TNS1: variants seen among roughly 807,000 people sequenced by gnomAD.
TNS1 encodes the protein tensin 1.
A neutral mutation model predicts 168.6 loss-of-function variants in TNS1; 62 were observed. The observed-to-expected ratio is 0.37, with a 90% CI of 0.30 to 0.45. The LOEUF (loss-of-function observed/expected upper bound fraction) is 0.45, where lower values mean the gene tolerates loss of function less well. Ranked by LOEUF, TNS1 falls within the 20% of genes least tolerant of loss-of-function variation. The pLI, the probability that TNS1 is intolerant of heterozygous loss-of-function variation, is 1.00. For synonymous variants in TNS1, 934 were observed against 933.2 expected (o/e 1.00, Z -0.02); for missense variants, 2,240 against 2,339.4 (o/e 0.96, Z 0.88).
Position 217,848,114 on chromosome 2 carries a change from T to G in TNS1, c.2403A>C (p.Val801=). 6.3e-7 allele frequency: 1 copy of G among 1,582,398 alleles called. No individual in the cohort carries two copies. Among genetic ancestry groups the G allele is most frequent in the Non-Finnish European group, 8.6e-7 (1 of 1,165,084 alleles). Residue 801 remains valine (V), a synonymous_variant, in exon 19 of 33, where the codon GTA becomes GTC. Transcript: ENST00000682258. The stretch of plus-strand genomic sequence containing the variant: ...ATGGCTGAGGGCTGGGCCTGCTGGC[T>G]ACAAGACTCTCCAAGTGGGCTCTTT... The part of the protein sequence containing the change: ...QQERAHLESL[V]ASRPSPQPLA...
intron 3 of TNS1, among the ~76,000 whole-genome samples, chr2:217,944,326 C>T (rs1056446109): frequency 6.6e-6 from 1 of 152,070 alleles, no homozygotes; most frequent in African/African-American, 2.4e-5. Context: ...AGCAGCTTCC[C>T]TGGGGACAGG....
At chr2:218,027,084 C>T (rs564960440) in intron 1 of TNS1, among the ~76,000 whole-genome samples, 92 of 152,058 alleles carry the variant, frequency 6.1e-4, no homozygotes, top group Non-Finnish European at 1.2e-3. Context: ...ACGGCAAACA[C>T]AATACCTGTA....
At chr2:217,960,450 G>A (rs1466147029) in intron 3 of TNS1, among the ~76,000 whole-genome samples, 1 of 152,148 alleles carries the variant, frequency 6.6e-6, no homozygotes, top group Non-Finnish European at 1.5e-5. Context: ...ACATGGCCAG[G>A]TCTAGGAGGC....
Position 218,020,234 on chromosome 2 carries a change from AGTGG to A in TNS1, c.156+13582_156+13585del, listed in dbSNP as rs543210970. Among the ~76,000 whole-genome samples, 4 of 152,230 alleles carry A rather than the reference AGTGG, an allele frequency of 2.6e-5. No individual in the cohort carries two copies. The South Asian group carries it at 8.3e-4, about 32-fold the overall frequency. On this transcript the variant is annotated intron_variant, in intron 1 of 1. Transcript: ENST00000649572. ...GGGGGTGCTAAAATATTTCTGTGCC[AGTGG>A]GTGAACAGCCACAGCACCCCACAGG...
intron 18 of TNS1, among the ~76,000 whole-genome samples, chr2:217,877,559 C>T (rs954945016): frequency 1.3e-5 from 2 of 152,194 alleles, no homozygotes; most frequent in Non-Finnish European, 2.9e-5. Flanking sequence ...TTATGACTAG[C>T]CCAGCCACCT....
chr2:217,992,090 C>A (rs1047738439), intron 1 of TNS1, among the ~76,000 whole-genome samples: 1 of 152,102 alleles, frequency 6.6e-6, no homozygotes, highest in Non-Finnish European at 1.5e-5. Flanking sequence ...CAAAGCCCTG[C>A]ACAGACACTG....
chr2:217,963,460 C>T lies in TNS1; in HGVS notation c.186+15305G>A, dbSNP rs550655612. On this transcript the variant is annotated intron_variant, in intron 3 of 32. Coordinates refer to ENST00000682258, the MANE Select transcript of TNS1 (RefSeq NM_001387777.1). ...AGCTCATCTAATCCTCACCACAAGA[C>T]TGCAGGCAGGACTCATGACCCCAGC... Among the ~76,000 whole-genome samples the T allele has an allele frequency of 7.9e-4, 121 of 152,288 alleles. 1 individual carries two copies. The highest frequency in any genetic ancestry group is 2.7e-3 in the African/African-American group (114 of 41,546).
intron 3 of TNS1, among the ~76,000 whole-genome samples, chr2:217,973,664 G>A (rs1269673258): frequency 1.3e-5 from 2 of 152,216 alleles, no homozygotes; most frequent in East Asian, 1.9e-4. Flanking sequence ...GAATCACATC[G>A]AAGGCCCCTA....
At chr2:217,807,987 A>G in intron 32 of TNS1, 88 bp downstream of exon 32, 1 of 1,505,518 alleles carries the variant, frequency 6.6e-7, no homozygotes, top group Non-Finnish European at 9.2e-7. Flanking sequence ...CCCTACCCCC[A>G]GCCCTGGTTT....
intron 18 of TNS1, among the ~76,000 whole-genome samples, chr2:217,869,265 C>T (rs779560215): frequency 6.6e-6 from 1 of 152,168 alleles, no homozygotes; most frequent in Non-Finnish European, 1.5e-5. Context: ...CTCTCCGAGG[C>T]TGATGGAGAG....
intron 18 of TNS1, chr2:217,859,560 T>C: frequency 3.0e-6 from 4 of 1,333,482 alleles, no homozygotes; most frequent in East Asian, 5.0e-5. Flanking sequence ...AGTGCAAAGC[T>C]TTGGATTCTG....
At chr2:217,951,386 C>T (rs1957237312) in intron 3 of TNS1, among the ~76,000 whole-genome samples, 1 of 152,206 alleles carries the variant, frequency 6.6e-6, no homozygotes, top group South Asian at 2.1e-4. Flanking sequence ...GAGTGTTTCC[C>T]AATTGACATA....
chr2:217,843,262 T>A (rs538598865), intron 19 of TNS1, among the ~76,000 whole-genome samples: 4 of 152,230 alleles, frequency 2.6e-5, no homozygotes, highest in African/African-American at 9.6e-5. Flanking sequence ...TGAGCCTAAT[T>A]TACCTACATG....
intron 3 of TNS1, among the ~76,000 whole-genome samples, chr2:217,966,338 A>AAG (rs910580839): frequency 1.9e-4 from 28 of 148,108 alleles, no homozygotes; most frequent in African/African-American, 6.4e-4. Context: ...AGGAGACAGC[A>AAG]AGAGAGAGAG....
intron 23 of TNS1, among the ~76,000 whole-genome samples, chr2:217,819,685 T>C (rs1356232804): frequency 1.3e-5 from 2 of 152,180 alleles, no homozygotes; most frequent in African/African-American, 4.8e-5. Context: ...AGTTTTTCCA[T>C]GTGGAAAATG....
At chr2:217,956,434 A>AAG (rs56658141) in intron 3 of TNS1, among the ~76,000 whole-genome samples, 1 of 151,952 alleles carries the variant, frequency 6.6e-6, no homozygotes, top group East Asian at 1.9e-4. Context: ...AAGGACGCAG[A>AAG]AAAGAGAAAG....
chr2:217,832,738 G>A (rs971798901), intron 21 of TNS1, among the ~76,000 whole-genome samples: 3 of 152,198 alleles, frequency 2.0e-5, no homozygotes, highest in South Asian at 2.1e-4. Flanking sequence ...CCACATGCAC[G>A]TGGGAACAGG....
At chr2:217,952,823 G>A (rs1384158887) in intron 3 of TNS1, among the ~76,000 whole-genome samples, 2 of 152,154 alleles carry the variant, frequency 1.3e-5, no homozygotes, top group Non-Finnish European at 2.9e-5. Flanking sequence ...CCAAATCAGG[G>A]AAACAATCAC....
rs1334160598 is a variant in TNS1, at chr2:217,880,536, A to T, written c.1429+362T>A. On this transcript the variant is annotated intron_variant, in intron 18 of 32. Coordinates refer to ENST00000682258, the MANE Select transcript of TNS1 (RefSeq NM_001387777.1). This position sits in a 1 kb window ranked among gnomAD's most constrained non-coding sequence, Gnocchi z 4.2. ...CACAGTGGGGGGTATCTCAAGCTCC[A>T]CTCAAGGCCACATCCTCCAAGGAGC... Among the ~76,000 whole-genome samples the T allele has an allele frequency of 6.6e-6, 1 of 151,998 alleles. No individual in the cohort carries two copies. Among genetic ancestry groups the T allele is most frequent in the African/African-American group, 2.4e-5 (1 of 41,374 alleles).
Sources: allele counts gnomAD v4.1 joint callset (sites outside exome capture counted in the v4.1 genomes callset), GRCh38; gene constraint gnomAD v4.1.1; non-coding constraint Gnocchi (gnomAD v3.1); transcripts MANE v1.5; gene names NCBI Gene and HGNC (gene_info 2026-07-23, HGNC 2026-07-21).